Variants in NRXN1 observed in about 807,000 individuals in gnomAD.
The protein encoded by NRXN1 is neurexin 1.
Under a neutral mutation model 150.9 loss-of-function variants are expected in NRXN1, and 39 were observed. The ratio of observed to expected loss-of-function variants is 0.26; its 90% confidence interval spans 0.20 to 0.34. The LOEUF (loss-of-function observed/expected upper bound fraction) is 0.34, where lower values mean the gene tolerates loss of function less well. NRXN1 is among the 10% of genes least tolerant of loss of function. NRXN1 has a pLI of 1.00. For missense variants in NRXN1, 1,815 were observed against 1,949.9 expected (o/e 0.93, Z 1.30); for synonymous variants, 924 against 757.0 (o/e 1.22, Z -3.62).
At chr2:50,937,641 T>C (rs752892913) in intron 2 of NRXN1, among the ~76,000 whole-genome samples, 1 of 152,070 alleles carries the variant, frequency 6.6e-6, no homozygotes, top group African/African-American at 2.4e-5. Flanking sequence ...GTTTATGAAG[T>C]AGATGATGAT....
At chr2:50,356,418 C>G (rs1187255859) in intron 17 of NRXN1, among the ~76,000 whole-genome samples, 3 of 152,080 alleles carry the variant, frequency 2.0e-5, no homozygotes, top group African/African-American at 4.8e-5. Flanking sequence ...TTTTTTGATA[C>G]CTGTATAAGA....
At chr2:50,902,617 G>C (rs184780522) in intron 5 of NRXN1, among the ~76,000 whole-genome samples, 1 of 152,062 alleles carries the variant, frequency 6.6e-6, no homozygotes, top group Non-Finnish European at 1.5e-5. Flanking sequence ...TGTAACTTGG[G>C]AGTGCTGAGA....
intron 5 of NRXN1, among the ~76,000 whole-genome samples, chr2:50,752,740 T>C (rs1386365551): frequency 4.0e-5 from 6 of 151,698 alleles, no homozygotes; most frequent in Admixed American, 4.0e-4. Context: ...TTCCAAGGCA[T>C]CCATTTTACT....
At chr2:50,776,724 A>C (rs1025437611) in intron 5 of NRXN1, among the ~76,000 whole-genome samples, 3 of 151,876 alleles carry the variant, frequency 2.0e-5, no homozygotes, top group African/African-American at 7.3e-5. Context: ...ATTAGTATGA[A>C]AATTCAAAAA....
intron 21 of NRXN1, chr2:50,023,684 C>G (rs1261351795): frequency 6.6e-6 from 1 of 151,982 alleles, no homozygotes; most frequent in Non-Finnish European, 1.5e-5. Context: ...ACTTCGGGGC[C>G]GAATATGTGT....
chr2:50,210,128 G>A (rs576326704), intron 18 of NRXN1, among the ~76,000 whole-genome samples: 11 of 152,052 alleles, frequency 7.2e-5, no homozygotes, highest in African/African-American at 2.4e-4. Flanking sequence ...CCCAGGCAAT[G>A]AGACCCAATC....
At chr2:50,823,187 T>A (rs1008428664) in intron 5 of NRXN1, among the ~76,000 whole-genome samples, 1 of 152,126 alleles carries the variant, frequency 6.6e-6, no homozygotes, top group African/African-American at 2.4e-5. Flanking sequence ...CTCCTTCAAA[T>A]GTTATTAAGT....
At chr2:50,573,724 C>T (rs961878530) in intron 8 of NRXN1, among the ~76,000 whole-genome samples, 2 of 147,686 alleles carry the variant, frequency 1.4e-5, no homozygotes, top group Admixed American at 1.4e-4. Context: ...CTGCCAACAG[C>T]GGATGGAAGA....
At chr2:50,865,125 T>C (rs1182103171) in intron 5 of NRXN1, among the ~76,000 whole-genome samples, 1 of 151,732 alleles carries the variant, frequency 6.6e-6, no homozygotes, top group Non-Finnish European at 1.5e-5. Flanking sequence ...GTGGTTCACC[T>C]CCATCCCAGA....
rs1446005505 is a variant in NRXN1, at chr2:50,915,565, C to CT, written c.832+6303dup. On this transcript the variant is annotated intron_variant, in intron 5 of 22. Transcript: ENST00000401669. ...GATTGAGGATAATCAATCTTTAATA[C>CT]TTTTTTGTACAAATGTTCTCTGTAG... is the stretch of plus-strand genomic sequence containing the variant. Among the ~76,000 whole-genome samples the CT allele has an allele frequency of 5.3e-5, 8 of 151,544 alleles. No homozygotes were observed. In the East Asian group the frequency reaches 1.6e-3, roughly 30 times the overall value.
intron 2 of NRXN1, among the ~76,000 whole-genome samples, chr2:50,943,097 T>G (rs1468594108): frequency 6.7e-6 from 1 of 149,892 alleles, no homozygotes; most frequent in East Asian, 1.9e-4. Flanking sequence ...TCCTTTGTGC[T>G]CTCTCTCTCT....
intron 17 of NRXN1, among the ~76,000 whole-genome samples, chr2:50,424,660 T>C (rs891361757): frequency 2.0e-5 from 3 of 152,196 alleles, no homozygotes; most frequent in African/African-American, 7.2e-5. Flanking sequence ...TAATTAATTA[T>C]ATGACTTCTA....
At chr2:50,821,214 T>C (rs1350494746) in intron 5 of NRXN1, among the ~76,000 whole-genome samples, 5 of 152,182 alleles carry the variant, frequency 3.3e-5, no homozygotes, top group Admixed American at 2.0e-4. Flanking sequence ...ACAGGCCCCA[T>C]GCAGCCCAGG....
chr2:50,742,306 C>T (rs890420792), intron 5 of NRXN1, among the ~76,000 whole-genome samples: 3 of 151,140 alleles, frequency 2.0e-5, no homozygotes, highest in African/African-American at 4.9e-5. Context: ...CCTTAAATTG[C>T]CACTTATACA....
At chr2:50,848,290 G>C (rs990215803) in intron 5 of NRXN1, among the ~76,000 whole-genome samples, 3 of 152,186 alleles carry the variant, frequency 2.0e-5, no homozygotes, top group Non-Finnish European at 4.4e-5. Context: ...AAGCTGGATT[G>C]AAACTAGGTC....
chr2:51,000,704 ATTTC>A (rs1699926015), intron 2 of NRXN1, among the ~76,000 whole-genome samples: 1 of 151,962 alleles, frequency 6.6e-6, no homozygotes, highest in Non-Finnish European at 1.5e-5. Flanking sequence ...TAATTTCTCA[ATTTC>A]TTTAATTTTA....
At chr2:50,985,761 G>A in intron 2 of NRXN1, among the ~76,000 whole-genome samples, 1 of 151,500 alleles carries the variant, frequency 6.6e-6, no homozygotes, top group Admixed American at 6.6e-5. Context: ...AGGCATGAAG[G>A]AAAAGACTGA....
At chr2:49,955,169 A>C (rs1000331244) in intron 21 of NRXN1, among the ~76,000 whole-genome samples, 7 of 152,096 alleles carry the variant, frequency 4.6e-5, no homozygotes, top group Admixed American at 3.9e-4. Context: ...AGCTCACTAC[A>C]TTTTTGGTTA....
At chr2:50,828,550 G>C (rs1367426275) in intron 5 of NRXN1, among the ~76,000 whole-genome samples, 1 of 151,742 alleles carries the variant, frequency 6.6e-6, no homozygotes, top group Non-Finnish European at 1.5e-5. Flanking sequence ...CCTCCCAGAC[G>C]GGGTCGCGGC....
Sources: gnomAD v4.1 joint callset for allele counts (sites outside exome capture counted in the v4.1 genomes callset) on GRCh38, gnomAD v4.1.1 for gene constraint, MANE v1.5 for transcripts, NCBI Gene and HGNC (gene_info 2026-07-23, HGNC 2026-07-21) for gene names.